JAKMIP3: variants seen among roughly 807,000 people sequenced by gnomAD.
The protein encoded by JAKMIP3 is Janus kinase and microtubule interacting protein 3.
JAKMIP3 carries 58 observed loss-of-function variants against 118.5 expected under a neutral mutation model. The ratio of observed to expected loss-of-function variants is 0.49; its 90% CI spans 0.40 to 0.61. The LOEUF (loss-of-function observed/expected upper bound fraction) is 0.61. JAKMIP3 is among the 20% of genes least tolerant of loss of function. The pLI, the probability that JAKMIP3 is intolerant of heterozygous loss-of-function variation, is 0.00. For synonymous variants in JAKMIP3, 486 were observed against 451.2 expected (o/e 1.08, Z -0.98); for missense variants, 950 against 1,109.0 (o/e 0.86, Z 2.04).
At chr10:132,081,640 A>G (rs1203846627) in intron 1 of JAKMIP3, among the ~76,000 whole-genome samples, 1 of 152,022 alleles carries the variant, frequency 6.6e-6, no homozygotes, top group Non-Finnish European at 1.5e-5. Flanking sequence ...CTTCATCGTC[A>G]CGGTTGCCTC....
At chr10:132,108,368 CGG>C (rs2046246248) in intron 2 of JAKMIP3, among the ~76,000 whole-genome samples, 1 of 152,092 alleles carries the variant, frequency 6.6e-6, no homozygotes, top group Non-Finnish European at 1.5e-5. Context: ...CTGCCAGTCC[CGG>C]GGGACAGTGG....
At chr10:132,085,825 T>G (rs2042330645) in intron 1 of JAKMIP3, among the ~76,000 whole-genome samples, 1 of 152,210 alleles carries the variant, frequency 6.6e-6, no homozygotes, top group Non-Finnish European at 1.5e-5. Flanking sequence ...GAACCAGCTT[T>G]TCGTTTCATT....
chr10:132,104,749 CA>C lies in JAKMIP3; in HGVS notation c.-59del. 6.6e-7 allele frequency: 1 copy of C among 1,523,104 alleles called. No individual in the cohort carries two copies. The highest frequency in any genetic ancestry group is 8.9e-7 in the Non-Finnish European group (1 of 1,127,214). 94.3% of individuals were successfully genotyped at this position (1,523,104 alleles called of 1,614,324 possible). The stretch of plus-strand genomic sequence containing the variant: ...TTGGCGTGGACACCCCAGCCACCCC[CA>C]GCCCAGCCCAGCCGGAGCACCCTAC... On this transcript the variant is annotated 5_prime_UTR_variant, in exon 2 of 24. Transcript: ENST00000684848.
Position 132,141,976 on chromosome 10 carries a change from G to T in JAKMIP3, c.1530G>T (p.Gln510His). The change falls in exon 11 of 24, where the codon CAG (glutamine) becomes CAT (histidine). Residue 510 changes from glutamine to histidine, a missense_variant. Transcript: ENST00000684848. ...LRFRQLTMEY[Q>H]ALQRAYALLQ... ...TCCGGCAGCTGACCATGGAGTACCA[G>T]GCCCTGCAGCGTGCCTACGCTTTGT... 6.2e-7 allele frequency: 1 copy of T among 1,601,580 alleles called. No individual in the cohort carries two copies. Among genetic ancestry groups the T allele is most frequent in the Non-Finnish European group, 8.5e-7 (1 of 1,174,432 alleles).
chr10:132,074,054 T>A (rs757167949), intron 1 of JAKMIP3, among the ~76,000 whole-genome samples: 20 of 152,108 alleles, frequency 1.3e-4, no homozygotes, highest in Admixed American at 3.3e-4. Flanking sequence ...TGACTTTTGT[T>A]TTGTTTTGTT....
At chr10:132,134,646 C>T (rs2051355987) in intron 4 of JAKMIP3, among the ~76,000 whole-genome samples, 1 of 152,230 alleles carries the variant, frequency 6.6e-6, no homozygotes, top group East Asian at 1.9e-4. Context: ...GGGGCAGCGG[C>T]AGGGGCCAGG....
In JAKMIP3 at chr10:132,114,047, T is replaced by C. The variant is rs955033557; in HGVS notation, c.136-3030T>C. Among the ~76,000 whole-genome samples, 115 of 152,374 alleles carry C rather than the reference T, an allele frequency of 7.5e-4. 1 individual carries two copies. The highest frequency in any genetic ancestry group is 2.7e-3 in the African/African-American group (112 of 41,596). On this transcript the variant is annotated intron_variant, in intron 2 of 23. Transcript: ENST00000684848. ...CCAACCCTCTGTGTCCCTTGCTTAC[T>C]CCTTTACCTCTGTCCTCTCTGTGAG... is the stretch of plus-strand genomic sequence containing the variant.
At chr10:132,180,580 C>T (rs112576968) in intron 23 of JAKMIP3, among the ~76,000 whole-genome samples, 443 of 12,922 alleles carry the variant, frequency 0.034, 128 homozygotes, top group African/African-American at 0.19. Flanking sequence ...TGTGTGTGTG[C>T]GTGCGCGTGT....
rs942636566 is a variant in JAKMIP3, at chr10:132,183,775, C to T, written c.*2522C>T. The T allele has an allele frequency of 1.3e-5, 2 of 152,180 alleles. No homozygotes were observed. Among genetic ancestry groups the T allele is most frequent in the African/African-American group, 4.8e-5 (2 of 41,438 alleles). 9.4% of individuals were successfully genotyped at this position (152,180 alleles called of 1,614,324 possible). A position where few individuals can be genotyped will look rare whatever the true frequency, so the allele number is the denominator to read the frequency against. ...CTTTACATCTGATTACAATACCCAG[C>T]ATTTCAGAACTGGGTTTTTGCCCCC... On this transcript the variant is annotated 3_prime_UTR_variant, in exon 24 of 24. Coordinates refer to ENST00000684848, the MANE Select transcript of JAKMIP3 (RefSeq NM_001323087.2).
chr10:132,060,222 C>G (rs1398344983), upstream of JAKMIP3, among the ~76,000 whole-genome samples: 1 of 152,088 alleles, frequency 6.6e-6, no homozygotes, highest in East Asian at 1.9e-4. Flanking sequence ...AGAGCTAGGT[C>G]TTTGCCTCCC....
At chr10:132,141,287 T>C (rs1210544067) in intron 10 of JAKMIP3, among the ~76,000 whole-genome samples, 1 of 152,144 alleles carries the variant, frequency 6.6e-6, no homozygotes, top group Non-Finnish European at 1.5e-5. Flanking sequence ...GCAGGGGAAC[T>C]GGGCCAGGCC....
At position 132,047,037 on chromosome 10, in the gene JAKMIP3, C is replaced by T. The variant is rs116676420; in HGVS notation, c.-138+10299C>T. On this transcript the variant is annotated intron_variant, in intron 1 of 23. Transcript: ENST00000657785. ...GTCACTGGGACTGCAGGTGCCACCA[C>T]ACCCAGCTATTTAAAAACATTTTTT... Among the ~76,000 whole-genome samples the T allele has an allele frequency of 4.2e-3, 632 of 152,276 alleles. 2 individuals carry two copies. Among genetic ancestry groups the T allele is most frequent in the African/African-American group, 0.015 (608 of 41,556 alleles).
chr10:132,132,855 T>TC (rs71758908), intron 3 of JAKMIP3, among the ~76,000 whole-genome samples: 1 of 152,164 alleles, frequency 6.6e-6, no homozygotes, highest in Non-Finnish European at 1.5e-5. Flanking sequence ...CCCCATGGTC[T>TC]CCCCTGCCTG....
In JAKMIP3 at chr10:132,117,125, G is replaced by A. The variant is rs1013416975; in HGVS notation, c.184G>A (p.Glu62Lys). ...EKNQELRQVR[E>K]HEQHKTAVLL... ...GAACCAGGAGCTGCGGCAGGTGCGC[G>A]AGCATGAGCAGCATAAGACCGCGGT... The change falls in exon 3 of 24, where the codon GAG becomes AAG. Residue 62 changes from glutamate (E) to lysine (K), a missense_variant. Transcript: ENST00000684848. This position sits in a 1 kb window ranked among gnomAD's most constrained non-coding sequence, Gnocchi z 8.6. The A allele has an allele frequency of 1.9e-6, 3 of 1,613,076 alleles. No individual in the cohort carries two copies. Among genetic ancestry groups the A allele is most frequent in the East Asian group, 2.2e-5 (1 of 44,870 alleles).
chr10:132,117,440 C>A lies in JAKMIP3; in HGVS notation c.499C>A (p.Gln167Lys), dbSNP rs1310093618. The change falls in exon 3 of 24, where the codon CAG becomes AAG. Residue 167 changes from glutamine to lysine, a missense_variant. Coordinates refer to ENST00000684848, the MANE Select transcript of JAKMIP3 (RefSeq NM_001323087.2). The surrounding 1 kb of genome is among the most constrained non-coding windows in gnomAD (Gnocchi z 8.6). The stretch of plus-strand genomic sequence containing the variant: ...CTCCGAGCTCAAGGGCGCCAAAAGG[C>A]AGGTGGAGGAGGCGCTGACGCTGGT... ...EISELKGAKR[Q>K]VEEALTLVIQ... The A allele has an allele frequency of 6.2e-7, 1 of 1,613,984 alleles. No individual in the cohort carries two copies. The highest frequency in any genetic ancestry group is 1.7e-5 in the Admixed American group (1 of 60,030).
chr10:132,143,553 AG>A (rs11361314), intron 11 of JAKMIP3, among the ~76,000 whole-genome samples: 39,872 of 152,106 alleles, frequency 0.26, 5,804 homozygotes, highest in Non-Finnish European at 0.34. Context: ...TGTAAAAAAA[AG>A]TTTAATGTCA....
chr10:132,054,649 T>G (rs61865667), intron 1 of JAKMIP3, among the ~76,000 whole-genome samples: 6,726 of 152,136 alleles, frequency 0.044, 203 homozygotes, highest in Middle Eastern at 0.11. Context: ...TGCCATAGAT[T>G]AAGGGAGGAG....
At chr10:132,143,443 C>T (rs2053972804) in intron 11 of JAKMIP3, among the ~76,000 whole-genome samples, 1 of 152,158 alleles carries the variant, frequency 6.6e-6, no homozygotes, top group Non-Finnish European at 1.5e-5. Flanking sequence ...TCCTGTCTTC[C>T]CTTTTTCCTG....
intron 23 of JAKMIP3, among the ~76,000 whole-genome samples, chr10:132,176,563 T>C (rs890146488): frequency 6.6e-6 from 1 of 152,180 alleles, no homozygotes; most frequent in Non-Finnish European, 1.5e-5. Context: ...TGCAGTGCTT[T>C]GTAGCAGACA....
Sources: gnomAD v4.1 joint callset for allele counts (sites outside exome capture counted in the v4.1 genomes callset) on GRCh38, gnomAD v4.1.1 for gene constraint, Gnocchi (gnomAD v3.1) non-coding constraint, MANE v1.5 for transcripts, NCBI Gene and HGNC (gene_info 2026-07-23, HGNC 2026-07-21) for gene names.